NOC3L: variants seen among roughly 807,000 people sequenced by gnomAD.
NOC3L encodes the protein NOC3 like DNA replication regulator, also known as nucleolar complex protein 3 homolog.
In NOC3L, 85 loss-of-function variants were observed where a neutral mutation model predicts 102.5. That is an observed-to-expected ratio of 0.83 (90% confidence interval 0.70 to 0.99). The LOEUF is 0.99. NOC3L is among the 50% of genes least tolerant of loss of function. The pLI, the probability that NOC3L is intolerant of heterozygous loss-of-function variation, is 0.00. For missense variants in NOC3L, 878 were observed against 914.9 expected, an observed-to-expected ratio of 0.96 and a Z score of 0.52; for synonymous variants, 303 against 309.4, an observed-to-expected ratio of 0.98 and a Z score of 0.22.
In NOC3L at chr10:94,355,155, T is replaced by C. The variant is rs898808798; in HGVS notation, c.566-62A>G. 1.5e-5 allele frequency: 21 copies of C among 1,403,618 alleles called. 1 individual carries two copies. Among genetic ancestry groups the C allele is most frequent in the Non-Finnish European group, 2.0e-5 (21 of 1,035,898 alleles). The allele number at this position is 1,403,618 out of a possible 1,614,324, so 86.9% of individuals were successfully genotyped here. A position where few individuals can be genotyped will look rare whatever the true frequency, so the allele number is the denominator to read the frequency against. ...GCTTACAAGTATCCAAGAATCTTAATAAAATATTTTTACAGTAATAATAAT... is the reference window on the plus strand; with the variant it reads ...GCTTACAAGTATCCAAGAATCTTAACAAAATATTTTTACAGTAATAATAAT... On this transcript the variant is annotated intron_variant, in intron 5 of 20. Coordinates refer to ENST00000371361, the MANE Select transcript of NOC3L (RefSeq NM_022451.11).
chr10:94,315,398 G>A, the NOC3L span: 1 of 456,042 alleles, frequency 2.2e-6, no homozygotes, highest in Non-Finnish European at 4.4e-6. Flanking sequence ...TCACGGGAAG[G>A]CAACAAAGGG....
At chr10:94,320,887 G>GT in the NOC3L span, among the ~76,000 whole-genome samples, 2 of 152,194 alleles carry the variant, frequency 1.3e-5, no homozygotes, top group African/African-American at 4.8e-5. Context: ...TTAAAAGGAT[G>GT]TATTATCCAA....
intron 2 of NOC3L, among the ~76,000 whole-genome samples, chr10:94,359,298 T>C (rs1234906166): frequency 6.6e-6 from 1 of 152,092 alleles, no homozygotes; most frequent in Non-Finnish European, 1.5e-5. Flanking sequence ...TGGTGGCACA[T>C]GCCTGTAATC....
At chr10:94,315,650 TCCCAGCTACTCGGG>T in the NOC3L span, among the ~76,000 whole-genome samples, 13 of 151,258 alleles carry the variant, frequency 8.6e-5, no homozygotes, top group Non-Finnish European at 1.6e-4. Flanking sequence ...ACACCTGTAA[TCCCAGCTACTCGGG>T]AGGCTGAGGC....
chr10:94,327,935 T>C, the NOC3L span: 1 of 524,330 alleles, frequency 1.9e-6, no homozygotes, highest in East Asian at 5.5e-5. Context: ...TCATTTTCAG[T>C]ATACTAATAA....
the NOC3L span, chr10:94,316,812 T>G: frequency 1.5e-6 from 2 of 1,299,682 alleles, no homozygotes; most frequent in Non-Finnish European, 1.1e-6. Flanking sequence ...GATTAGCCAT[T>G]TACCACTCAC....
chr10:94,356,305 C>T (rs2054483267), intron 5 of NOC3L, among the ~76,000 whole-genome samples: 2 of 151,998 alleles, frequency 1.3e-5, no homozygotes, highest in Admixed American at 1.3e-4. Flanking sequence ...TCTTGTATGC[C>T]TAGATATTAC....
At chr10:94,345,970 A>AAAATAAAT (rs989195519) in intron 11 of NOC3L, among the ~76,000 whole-genome samples, 1 of 152,170 alleles carries the variant, frequency 6.6e-6, no homozygotes, top group African/African-American at 2.4e-5. Context: ...CGTTTATCAA[A>AAAATAAAT]AAATAAATAA....
At chr10:94,325,331 G>A in the NOC3L span, 2 of 440,794 alleles carry the variant, frequency 4.5e-6, no homozygotes, top group Non-Finnish European at 8.4e-6. Flanking sequence ...GGGCGTGGTG[G>A]CGCATGCCTG....
At chr10:94,328,634 A>AAGCTT (rs2054115659), downstream of NOC3L, 1 of 152,240 alleles carries the variant, frequency 6.6e-6, no homozygotes, top group African/African-American at 2.4e-5. Flanking sequence ...CGAGAATTAG[A>AAGCTT]AGCTTAGAAT....
At chr10:94,323,135 A>AC in the NOC3L span, among the ~76,000 whole-genome samples, 4 of 152,172 alleles carry the variant, frequency 2.6e-5, no homozygotes, top group African/African-American at 9.7e-5. Context: ...GTAGGTACTG[A>AC]CCATCTCTCA....
intron 12 of NOC3L, 115 bp downstream of exon 12, chr10:94,344,738 C>T (rs2054323829): frequency 2.4e-6 from 2 of 820,088 alleles, no homozygotes; most frequent in Non-Finnish European, 3.9e-6. Flanking sequence ...AAAAGTCACA[C>T]ATCTAAGCCT....
chr10:94,325,235 A>G, the NOC3L span: 1 of 696,980 alleles, frequency 1.4e-6, no homozygotes, highest in Non-Finnish European at 2.6e-6. Flanking sequence ...TAGGAATGGG[A>G]CCTTAAAACA....
chr10:94,360,848 GAAAA>G (rs1249245068), intron 2 of NOC3L, among the ~76,000 whole-genome samples: 2 of 142,550 alleles, frequency 1.4e-5, no homozygotes, highest in African/African-American at 5.1e-5. Flanking sequence ...CACAAAATTA[GAAAA>G]AAAAAAAACT....
chr10:94,317,848 G>A, the NOC3L span, among the ~76,000 whole-genome samples: 2 of 152,148 alleles, frequency 1.3e-5, no homozygotes, highest in Admixed American at 1.3e-4. Flanking sequence ...TCAAGCAGTT[G>A]AGTCTATTCA....
chr10:94,326,028 A>G, the NOC3L span, among the ~76,000 whole-genome samples: 1 of 152,198 alleles, frequency 6.6e-6, no homozygotes, highest in Non-Finnish European at 1.5e-5. Context: ...AAAGCAAATT[A>G]TTTACATGAG....
chr10:94,316,363 G>A, the NOC3L span, among the ~76,000 whole-genome samples: 2 of 152,052 alleles, frequency 1.3e-5, no homozygotes, highest in Non-Finnish European at 2.9e-5. Flanking sequence ...GCCGTTGCCC[G>A]GAGTGAACAT....
Position 94,344,856 on chromosome 10 carries a change from T to TAAA in NOC3L, c.1466_1467insTTT (p.Lys489delinsAsnLeu). On this transcript the variant is annotated protein_altering_variant, in exon 12 of 21. Transcript: ENST00000371361. Reference sequence around the variant, plus strand: ...AACAGAATATGAAACTGCCTACCAGTTTAAGTTTTTTCTCAGTACTCTCTG... The same window carrying TAAA: ...AACAGAATATGAAACTGCCTACCAGTAAATTAAGTTTTTTCTCAGTACTCTCTG... 1 of 1,597,066 alleles carries TAAA rather than the reference T, an allele frequency of 6.3e-7. No individual in the cohort carries two copies. Among genetic ancestry groups the TAAA allele is most frequent in the Non-Finnish European group, 8.5e-7 (1 of 1,174,790 alleles).
At position 94,353,064 on chromosome 10, in the gene NOC3L, A is replaced by T. The variant is rs1157886491; in HGVS notation, c.697-7T>A. 1 of 1,593,784 alleles carries T rather than the reference A, an allele frequency of 6.3e-7. No homozygotes were observed. The highest frequency in any genetic ancestry group is 1.4e-5 in the African/African-American group (1 of 73,822). On this transcript the variant is annotated splice_region_variant and splice_polypyrimidine_tract_variant and intron_variant, in intron 6 of 20. Coordinates refer to ENST00000371361, the MANE Select transcript of NOC3L (RefSeq NM_022451.11). Reference sequence around the variant, plus strand: ...ATTCTTTCAATTTTTTAATCTGTTAAAGAAATAGCTTATAAAGCTGGAGAA... The same window carrying T: ...ATTCTTTCAATTTTTTAATCTGTTATAGAAATAGCTTATAAAGCTGGAGAA...
Sources: allele counts gnomAD v4.1 joint callset (sites outside exome capture counted in the v4.1 genomes callset), GRCh38; gene constraint gnomAD v4.1.1; transcripts MANE v1.5; gene names NCBI Gene and HGNC (gene_info 2026-07-23, HGNC 2026-07-21).